The following PPP2R2D variants were observed in gnomAD, a reference collection of about 807,000 sequenced individuals.
The protein encoded by PPP2R2D is protein phosphatase 2 regulatory subunit Bdelta.
PPP2R2D carries 9 observed loss-of-function variants against 31.1 expected under a neutral mutation model. The observed-to-expected ratio is 0.29, with a 90% confidence interval of 0.17 to 0.51. PPP2R2D has a LOEUF of 0.51. Among genes scored for constraint, PPP2R2D ranks in the 20% least tolerant of loss-of-function variants. The pLI is 0.98. For missense variants in PPP2R2D, 391 were observed against 465.6 expected, an observed-to-expected ratio of 0.84 and a Z score of 1.48; for synonymous variants, 179 against 172.6, an observed-to-expected ratio of 1.04 and a Z score of -0.29.
At chr10:131,929,853 C>T (rs1259964250) in intron 2 of PPP2R2D, among the ~76,000 whole-genome samples, 1 of 152,180 alleles carries the variant, frequency 6.6e-6, no homozygotes, top group East Asian at 1.9e-4. Flanking sequence ...GTCCTTTAAA[C>T]CTGGGACCTC....
chr10:131,966,733 TAG>T, the PPP2R2D span: 1 of 152,108 alleles, frequency 6.6e-6, no homozygotes. Flanking sequence ...GTATTTTGTG[TAG>T]AGACAGGGTC....
chr10:131,944,118 C>T lies in PPP2R2D; in HGVS notation c.628C>T (p.His210Tyr). The change falls in exon 6 of 9, where the codon CAC becomes TAC. Residue 210 changes from histidine (H) to tyrosine (Y), a missense_variant. This residue lies in a region of PPP2R2D where 123 missense variants were observed against 187.7 expected (regional missense o/e 0.66). Transcript: ENST00000455566. ...AGATGACCTGAGAATTAATTTATGG[C>T]ACTTAGAAATCACAGATAGAAGCTT... ...SADDLRINLW[H>Y]LEITDRSFNI... 6.2e-7 allele frequency: 1 copy of T among 1,611,990 alleles called. No individual in the cohort carries two copies. Among genetic ancestry groups the T allele is most frequent in the Non-Finnish European group, 8.5e-7 (1 of 1,178,942 alleles).
chr10:131,950,348 T>C (rs760453593), intron 8 of PPP2R2D, among the ~76,000 whole-genome samples: 16 of 152,056 alleles, frequency 1.1e-4, no homozygotes, highest in Non-Finnish European at 1.8e-4. Context: ...CATCCATCCA[T>C]CTCATAATGA....
chr10:131,965,958 G>A, the PPP2R2D span, among the ~76,000 whole-genome samples: 6 of 152,186 alleles, frequency 3.9e-5, no homozygotes, highest in African/African-American at 9.7e-5. Flanking sequence ...GTCTCTATGC[G>A]TGGGCACCTC....
chr10:131,902,477 A>G (rs2035516320), intron 2 of PPP2R2D, among the ~76,000 whole-genome samples: 1 of 152,142 alleles, frequency 6.6e-6, no homozygotes, highest in Non-Finnish European at 1.5e-5. Flanking sequence ...CCTGGGACAA[A>G]CAGGGCCTAG....
At position 131,951,501 on chromosome 10, in the gene PPP2R2D, G is replaced by A. The variant is rs575795275; in HGVS notation, c.1082+3710G>A. 5.3e-5 allele frequency among the ~76,000 whole-genome samples: 8 copies of A among 152,212 alleles called. 1 individual carries two copies. Among genetic ancestry groups the A allele is most frequent in the Non-Finnish European group, 1.2e-4 (8 of 68,042 alleles). ...GTGCAATGACATACAACATGTTTAA[G>A]ACATACAAGACGGTTTTGTTTTAAG... is the stretch of plus-strand genomic sequence containing the variant. On this transcript the variant is annotated intron_variant, in intron 8 of 8. Transcript: ENST00000455566.
chr10:131,932,720 G>C (rs1007962678), intron 2 of PPP2R2D, among the ~76,000 whole-genome samples: 1 of 145,284 alleles, frequency 6.9e-6, no homozygotes, highest in African/African-American at 2.5e-5. Flanking sequence ...TATGCCTTCA[G>C]CATCAGTCTG....
At chr10:131,932,574 T>G (rs963982552) in intron 2 of PPP2R2D, among the ~76,000 whole-genome samples, 2 of 140,084 alleles carry the variant, frequency 1.4e-5, no homozygotes, top group Admixed American at 1.6e-4. Context: ...GGCTGAGACA[T>G]GAGAATCACT....
chr10:131,956,551 CAG>C lies in PPP2R2D; in HGVS notation c.*590_*591del. The C allele has an allele frequency of 2.0e-6, 2 of 985,320 alleles. No individual in the cohort carries two copies. Among genetic ancestry groups the C allele is most frequent in the Non-Finnish European group, 2.4e-6 (2 of 829,824 alleles). The allele number at this position is 985,320 out of a possible 1,614,324, so 61.0% of individuals were successfully genotyped here. ...ACTATAAAGTGTTTTTAAATCCAAACAGAAGTATTGTCTTTTTATTTAATTTT... is the reference window on the plus strand; with the variant it reads ...ACTATAAAGTGTTTTTAAATCCAAACAAGTATTGTCTTTTTATTTAATTTT... On this transcript the variant is annotated 3_prime_UTR_variant, in exon 9 of 9. Transcript: ENST00000455566.
chr10:131,940,305 G>T (rs1054268004), intron 4 of PPP2R2D, 109 bp downstream of exon 4: 12 of 567,892 alleles, frequency 2.1e-5, no homozygotes, highest in Non-Finnish European at 3.5e-5. Flanking sequence ...TTAAATTTTG[G>T]GGGGAGGGTA....
chr10:131,930,639 C>T (rs189962651), intron 2 of PPP2R2D, among the ~76,000 whole-genome samples: 26 of 152,310 alleles, frequency 1.7e-4, no homozygotes, highest in Admixed American at 1.6e-3. Flanking sequence ...TGTGTGATGC[C>T]ATCTGACTCC....
intron 2 of PPP2R2D, among the ~76,000 whole-genome samples, chr10:131,907,455 G>C (rs1038060800): frequency 6.6e-6 from 1 of 152,100 alleles, no homozygotes; most frequent in Non-Finnish European, 1.5e-5. Context: ...AAGATTCACA[G>C]ACTCGCCGGG....
In PPP2R2D at chr10:131,922,226, C is replaced by T. The variant is rs183055554; in HGVS notation, c.101-12232C>T. 1.4e-3 allele frequency among the ~76,000 whole-genome samples: 218 copies of T among 152,224 alleles called. 1 individual carries two copies. The highest frequency in any genetic ancestry group is 6.8e-3 in the Middle Eastern group (2 of 294). ...GACCGTTTCTCTCTCATGTCATTTA[C>T]GTATGTCTATGACTGTGAGAACTAA... On this transcript the variant is annotated intron_variant, in intron 2 of 8. Coordinates refer to ENST00000455566, the MANE Select transcript of PPP2R2D (RefSeq NM_018461.5).
intron 2 of PPP2R2D, among the ~76,000 whole-genome samples, chr10:131,921,344 G>A (rs1400781484): frequency 1.3e-5 from 2 of 152,190 alleles, no homozygotes; most frequent in Non-Finnish European, 2.9e-5. Flanking sequence ...GAGTAAAGGC[G>A]CTGCCCCACG....
At chr10:131,906,567 GAAAGGTAACAA>G (rs1299908988) in intron 2 of PPP2R2D, among the ~76,000 whole-genome samples, 22 of 152,158 alleles carry the variant, frequency 1.4e-4, no homozygotes, top group African/African-American at 5.3e-4. Flanking sequence ...TTAAGTCGCA[GAAAGGTAACAA>G]AAATTAAGTT....
rs2036799845 is a variant in PPP2R2D at position 131,956,408 on chromosome 10, C to G, written c.*445C>G. On this transcript the variant is annotated 3_prime_UTR_variant, in exon 9 of 9. Transcript: ENST00000455566. ...CGTCCGTGTCCTCTCGGCCTTCCTCCGAGTCCAGGTGGACTCTGTGGATGT... is the reference window on the plus strand; with the variant it reads ...CGTCCGTGTCCTCTCGGCCTTCCTCGGAGTCCAGGTGGACTCTGTGGATGT... The G allele has an allele frequency of 1.0e-6, 1 of 985,976 alleles. No homozygotes were observed. The highest frequency in any genetic ancestry group is 1.1e-4 in the East Asian group (1 of 8,830). 61.1% of individuals were successfully genotyped at this position (985,976 alleles called of 1,614,324 possible).
At chr10:131,908,869 T>C (rs2035640324) in intron 2 of PPP2R2D, among the ~76,000 whole-genome samples, 1 of 152,204 alleles carries the variant, frequency 6.6e-6, no homozygotes, top group African/African-American at 2.4e-5. Flanking sequence ...GGGGCCAGCT[T>C]TCAGCTTGGC....
At chr10:131,919,014 C>G (rs376823611) in intron 2 of PPP2R2D, among the ~76,000 whole-genome samples, 1 of 120,508 alleles carries the variant, frequency 8.3e-6, no homozygotes, top group African/African-American at 3.2e-5. Context: ...TGGAATGACA[C>G]AGTGTTTGTA....
At chr10:131,964,924 C>T in the PPP2R2D span, among the ~76,000 whole-genome samples, 1 of 152,096 alleles carries the variant, frequency 6.6e-6, no homozygotes, top group African/African-American at 2.4e-5. Flanking sequence ...TTCCGTTTTC[C>T]ATCTCCACCT....
Sources: gnomAD v4.1 joint callset for allele counts (sites outside exome capture counted in the v4.1 genomes callset) on GRCh38, gnomAD v4.1.1 for gene constraint, gnomAD v4.1.1 regional missense constraint, MANE v1.5 for transcripts, NCBI Gene and HGNC (gene_info 2026-07-23, HGNC 2026-07-21) for gene names.